CPED1: variants seen among roughly 807,000 people sequenced by gnomAD.
CPED1 encodes cadherin-like and PC-esterase domain-containing protein 1.
A neutral mutation model predicts 128.2 loss-of-function variants in CPED1; 114 were observed. The observed-to-expected ratio is 0.89, with a 90% CI of 0.76 to 1.04. The LOEUF (loss-of-function observed/expected upper bound fraction) is 1.04, where lower values mean the gene tolerates loss of function less well. Among genes scored for constraint, CPED1 ranks in the 50% least tolerant of loss-of-function variants. The probability of loss-of-function intolerance (pLI) is 0.00; values close to 1 mark genes in which losing one functional copy is unlikely to be tolerated. For synonymous variants in CPED1, 462 were observed against 426.7 expected (o/e 1.08, Z -1.02); for missense variants, 1,211 against 1,207.1 (o/e 1.00, Z -0.05).
At chr7:121,178,949 G>A (rs1381840513) in intron 16 of CPED1, among the ~76,000 whole-genome samples, 2 of 152,016 alleles carry the variant, frequency 1.3e-5, no homozygotes, top group Non-Finnish European at 2.9e-5. Flanking sequence ...ACAGGATGCA[G>A]CAAAGAGGTC....
intron 22 of CPED1, among the ~76,000 whole-genome samples, chr7:121,292,376 T>C (rs772008346): frequency 3.3e-5 from 5 of 151,966 alleles, no homozygotes; most frequent in Non-Finnish European, 7.4e-5. Context: ...GGGTCATTTA[T>C]GTTCTACTCT....
intron 18 of CPED1, among the ~76,000 whole-genome samples, chr7:121,251,436 A>G (rs904994679): frequency 2.0e-5 from 3 of 152,110 alleles, no homozygotes; most frequent in Non-Finnish European, 2.9e-5. Flanking sequence ...CACCACTCCT[A>G]TTCAACATAG....
intron 3 of CPED1, among the ~76,000 whole-genome samples, chr7:121,037,213 TA>T (rs1198497803): frequency 1.3e-5 from 2 of 152,148 alleles, no homozygotes; most frequent in Non-Finnish European, 2.9e-5. Context: ...AGTCTTTGCC[TA>T]ACCTAATGTC....
chr7:121,164,636 T>C (rs149549041), intron 16 of CPED1, among the ~76,000 whole-genome samples: 1,978 of 152,336 alleles, frequency 0.013, 14 homozygotes, highest in Non-Finnish European at 0.02. Context: ...AGAACCATTG[T>C]CTTTTACTAC....
At chr7:121,288,040 G>A (rs1792620781) in intron 22 of CPED1, among the ~76,000 whole-genome samples, 1 of 151,932 alleles carries the variant, frequency 6.6e-6, no homozygotes, top group African/African-American at 2.4e-5. Context: ...ATAATTGTTT[G>A]GTAATTTTCT....
intron 4 of CPED1, 81 bp from the exon 5 acceptor site, chr7:121,064,157 T>C (rs1019187853): frequency 1.1e-6 from 1 of 912,362 alleles, no homozygotes; most frequent in African/African-American, 1.6e-5. Context: ...ATCTATACTC[T>C]CTGGGTTTTT....
chr7:121,245,384 G>A (rs1207174215), intron 18 of CPED1, among the ~76,000 whole-genome samples: 1 of 152,050 alleles, frequency 6.6e-6, no homozygotes, highest in Admixed American at 6.6e-5. Context: ...TATTAATTGA[G>A]CATTGATTTT....
intron 17 of CPED1, among the ~76,000 whole-genome samples, chr7:121,243,513 C>CTGTT (rs919599391): frequency 1.3e-4 from 20 of 152,254 alleles, no homozygotes; most frequent in African/African-American, 4.6e-4. Context: ...TACCTGAACT[C>CTGTT]TGTTAGTAAC....
chr7:121,039,171 A>G (rs916785126), intron 3 of CPED1, among the ~76,000 whole-genome samples: 1 of 151,942 alleles, frequency 6.6e-6, no homozygotes, highest in South Asian at 2.1e-4. Context: ...ATCACTATGT[A>G]TTTATTTATT....
At chr7:121,075,477 AT>A (rs948252163) in intron 5 of CPED1, among the ~76,000 whole-genome samples, 4 of 151,524 alleles carry the variant, frequency 2.6e-5, no homozygotes, top group African/African-American at 7.3e-5. Flanking sequence ...GTTTTTATTT[AT>A]TTTTTTTGAG....
chr7:121,044,181 A>T (rs1365731225), intron 3 of CPED1, among the ~76,000 whole-genome samples: 1 of 152,210 alleles, frequency 6.6e-6, no homozygotes, highest in East Asian at 1.9e-4. Context: ...GAAACAAGTG[A>T]AACTTCATTA....
chr7:121,153,961 A>G (rs1197793060), intron 16 of CPED1, among the ~76,000 whole-genome samples: 2 of 152,246 alleles, frequency 1.3e-5, no homozygotes, highest in Non-Finnish European at 2.9e-5. Context: ...ACCATAAAAT[A>G]TATACAAATC....
chr7:121,073,570 A>C (rs1029091422), intron 5 of CPED1, among the ~76,000 whole-genome samples: 1 of 152,206 alleles, frequency 6.6e-6, no homozygotes, highest in African/African-American at 2.4e-5. Context: ...CAGTTGTAAA[A>C]GAGGTCAAAA....
chr7:121,079,670 T>C (rs1794231892), intron 5 of CPED1, among the ~76,000 whole-genome samples: 1 of 152,258 alleles, frequency 6.6e-6, no homozygotes, highest in Non-Finnish European at 1.5e-5. Context: ...GGCAGTTTGC[T>C]GACATCTCTG....
At chr7:121,252,129 G>A (rs1798686988) in intron 18 of CPED1, among the ~76,000 whole-genome samples, 2 of 151,070 alleles carry the variant, frequency 1.3e-5, no homozygotes, top group South Asian at 4.2e-4. Flanking sequence ...TAGACCAATG[G>A]AACAGAACAG....
intron 22 of CPED1, among the ~76,000 whole-genome samples, chr7:121,292,774 C>T (rs527978001): frequency 3.3e-5 from 5 of 152,208 alleles, no homozygotes; most frequent in East Asian, 1.9e-4. Flanking sequence ...ACAGTCAGGC[C>T]GCTCTTCTGC....
chr7:121,101,677 C>T (rs1054435670), intron 7 of CPED1, among the ~76,000 whole-genome samples: 1 of 150,144 alleles, frequency 6.7e-6, no homozygotes, highest in Non-Finnish European at 1.5e-5. Flanking sequence ...AAGTATGGAA[C>T]CAGCATCTGC....
chr7:121,038,160 C>G (rs970572471), intron 3 of CPED1, among the ~76,000 whole-genome samples: 16 of 151,880 alleles, frequency 1.1e-4, no homozygotes, highest in Middle Eastern at 3.4e-3. Flanking sequence ...CTGGCTAGGA[C>G]TTCCAGTACT....
intron 18 of CPED1, among the ~76,000 whole-genome samples, chr7:121,254,994 G>C (rs1584635205): frequency 6.6e-6 from 1 of 151,592 alleles, no homozygotes; most frequent in East Asian, 1.9e-4. Context: ...AAAAGAATTG[G>C]TACCAATGCT....
Sources: gnomAD v4.1 joint callset for allele counts (sites outside exome capture counted in the v4.1 genomes callset) on GRCh38, gnomAD v4.1.1 for gene constraint, MANE v1.5 for transcripts, NCBI Gene and HGNC (gene_info 2026-07-23, HGNC 2026-07-21) for gene names.